KALRN: variants seen among roughly 807,000 people sequenced by gnomAD.
KALRN encodes the protein kalirin RhoGEF kinase, also known as kalirin.
A neutral mutation model predicts 353.7 loss-of-function variants in KALRN; 70 were observed. The ratio of observed to expected loss-of-function variants is 0.20; its 90% CI spans 0.16 to 0.24. KALRN has a LOEUF of 0.24. KALRN is among the 10% of genes least tolerant of loss of function. The pLI is 1.00. For synonymous variants in KALRN, 1,391 were observed against 1,434.8 expected (o/e 0.97, Z 0.69); for missense variants, 2,791 against 3,756.7 (o/e 0.74, Z 6.72).
In KALRN at chr3:124,079,707, T is replaced by C. The variant is rs188195692; in HGVS notation, c.73+45894T>C. On this transcript the variant is annotated intron_variant, in intron 1 of 59. Transcript: ENST00000682506. ...ACGTCTTTTTATATAAGTATTTTAG[T>C]TGAATGCCTCCAATGACAGAGAGCT... 2.6e-3 allele frequency among the ~76,000 whole-genome samples: 402 copies of C among 152,376 alleles called. 2 individuals are homozygous for C. The highest frequency in any genetic ancestry group is 7.3e-3 in the Admixed American group (112 of 15,308).
rs2087558221 is a variant in KALRN at position 124,679,571 on chromosome 3, G to A, written c.7377+54G>A. On this transcript the variant is annotated intron_variant, in intron 51 of 59. Coordinates refer to ENST00000682506, the MANE Select transcript of KALRN (RefSeq NM_001388419.1). ...CTACAATGATTGCCTTTTTTGATGT[G>A]TTCTGTAACAGTGACCTTGCTAAAA... 7 of 1,444,952 alleles carry A rather than the reference G, an allele frequency of 4.8e-6. No individual in the cohort carries two copies. The African/African-American group carries it at 7.0e-5, about 14-fold the overall frequency. 89.5% of individuals were successfully genotyped at this position (1,444,952 alleles called of 1,614,324 possible). A position where few individuals can be genotyped will look rare whatever the true frequency, so the allele number is the denominator to read the frequency against.
At chr3:124,285,847 T>C (rs558906382) in intron 5 of KALRN, among the ~76,000 whole-genome samples, 4 of 152,182 alleles carry the variant, frequency 2.6e-5, no homozygotes, top group Non-Finnish European at 5.9e-5. Flanking sequence ...AAAAATAAAA[T>C]TTTAAACTCA....
chr3:124,578,306 G>A (rs1320143852), intron 34 of KALRN, among the ~76,000 whole-genome samples: 1 of 152,202 alleles, frequency 6.6e-6, no homozygotes, highest in East Asian at 1.9e-4. Flanking sequence ...CCAGGGCTTG[G>A]TAATTTGGGA....
chr3:124,551,969 A>G (rs1047223137), intron 33 of KALRN, among the ~76,000 whole-genome samples: 5 of 152,238 alleles, frequency 3.3e-5, no homozygotes, highest in African/African-American at 1.2e-4. Flanking sequence ...ATCTTTAGCT[A>G]GTCATTTTAC....
rs191531699 is a variant in KALRN, at chr3:124,408,752, A to G, written c.2347-4718A>G. On this transcript the variant is annotated intron_variant, in intron 13 of 59. Coordinates refer to ENST00000682506, the MANE Select transcript of KALRN (RefSeq NM_001388419.1). The stretch of plus-strand genomic sequence containing the variant: ...GGGAGGGGCAGGTGAATTTTGATTC[A>G]GGCAGATACAGTTCAAAACATCTGG... Among the ~76,000 whole-genome samples, 436 of 151,786 alleles carry G rather than the reference A, an allele frequency of 2.9e-3. 4 individuals carry two copies. In the Middle Eastern group the frequency reaches 0.035, roughly 12 times the overall value.
chr3:124,500,162 C>A lies in KALRN; in HGVS notation c.4935+3749C>A, dbSNP rs535568470. 9.2e-5 allele frequency among the ~76,000 whole-genome samples: 14 copies of A among 152,264 alleles called. No individual in the cohort carries two copies. In the South Asian group the frequency reaches 2.9e-3, roughly 32 times the overall value. On this transcript the variant is annotated intron_variant, in intron 33 of 59. Transcript: ENST00000682506. The stretch of plus-strand genomic sequence containing the variant: ...GTGCTGGCTCAGAAAATCTCCATGC[C>A]CTTTTTTATGGACTGCCCTTATTCA...
chr3:124,200,526 A>G (rs1040425000), intron 1 of KALRN, among the ~76,000 whole-genome samples: 9 of 152,188 alleles, frequency 5.9e-5, no homozygotes, highest in Admixed American at 2.0e-4. Context: ...CTTAGGACCT[A>G]ATTATCTCCC....
chr3:124,286,130 T>TCTTTC (rs2149089966), intron 5 of KALRN, among the ~76,000 whole-genome samples: 2 of 149,526 alleles, frequency 1.3e-5, no homozygotes, highest in South Asian at 4.3e-4. Flanking sequence ...TTTCTTTCTT[T>TCTTTC]CTTTCTTTCC....
chr3:124,534,526 A>G (rs1482985179), intron 33 of KALRN, among the ~76,000 whole-genome samples: 2 of 152,180 alleles, frequency 1.3e-5, no homozygotes, highest in African/African-American at 4.8e-5. Flanking sequence ...TGTATCCCAG[A>G]ACTTCAAGTA....
intron 37 of KALRN, among the ~76,000 whole-genome samples, chr3:124,639,128 C>T (rs998824888): frequency 6.6e-6 from 1 of 152,216 alleles, no homozygotes; most frequent in Non-Finnish European, 1.5e-5. Flanking sequence ...CGAACTCACA[C>T]TTGGCTTTCT....
chr3:124,620,634 G>A (rs1308485374), intron 34 of KALRN, among the ~76,000 whole-genome samples: 1 of 152,194 alleles, frequency 6.6e-6, no homozygotes, highest in African/African-American at 2.4e-5. Context: ...CACCACTGGT[G>A]GAATATAGAG....
In KALRN at chr3:124,532,930, C is replaced by G. The variant is rs532143273; in HGVS notation, c.4936-29913C>G. Among the ~76,000 whole-genome samples the G allele has an allele frequency of 1.0e-4, 15 of 145,716 alleles. No homozygotes were observed. The East Asian group carries it at 2.8e-3, about 27-fold the overall frequency. Reference sequence around the variant, plus strand: ...TTAGTTCTTACCAATAATTCCATGACTTTTATGGGAAAAAAAAAAAACAAA... The same window carrying G: ...TTAGTTCTTACCAATAATTCCATGAGTTTTATGGGAAAAAAAAAAAACAAA... On this transcript the variant is annotated intron_variant, in intron 33 of 59. Transcript: ENST00000682506.
chr3:124,479,563 C>T (rs1196787197), intron 27 of KALRN, among the ~76,000 whole-genome samples: 1 of 151,970 alleles, frequency 6.6e-6, no homozygotes, highest in Non-Finnish European at 1.5e-5. Context: ...GAAGAGTTTC[C>T]CTAAGTTCTA....
At chr3:124,218,712 G>T (rs896990621) in intron 1 of KALRN, among the ~76,000 whole-genome samples, 1 of 152,198 alleles carries the variant, frequency 6.6e-6, no homozygotes, top group Non-Finnish European at 1.5e-5. Context: ...TTCTGGAGAG[G>T]GAGGGCGGGA....
chr3:124,474,281 A>G (rs2061225704), intron 25 of KALRN, among the ~76,000 whole-genome samples: 1 of 152,160 alleles, frequency 6.6e-6, no homozygotes, highest in African/African-American at 2.4e-5. Flanking sequence ...TAGGATAGCG[A>G]TATTTTATTT....
intron 3 of KALRN, among the ~76,000 whole-genome samples, chr3:124,252,518 T>C (rs977110694): frequency 7.9e-5 from 12 of 152,158 alleles, no homozygotes; most frequent in Non-Finnish European, 4.4e-5. Context: ...GAAACTTAGA[T>C]TTAGGATAAG....
At chr3:124,574,301 A>G (rs558354129) in intron 34 of KALRN, among the ~76,000 whole-genome samples, 1 of 152,352 alleles carries the variant, frequency 6.6e-6, no homozygotes, top group South Asian at 2.1e-4. Flanking sequence ...TGTCCATGGA[A>G]AGAGCTGGTC....
At chr3:124,687,801 T>C in intron 51 of KALRN, among the ~76,000 whole-genome samples, 1 of 152,048 alleles carries the variant, frequency 6.6e-6, no homozygotes, top group East Asian at 1.9e-4. Context: ...AAAAATATCC[T>C]TTTTAAAAAT....
chr3:124,210,769 G>A (rs896376148), intron 1 of KALRN, among the ~76,000 whole-genome samples: 2 of 152,140 alleles, frequency 1.3e-5, no homozygotes, highest in African/African-American at 4.8e-5. Flanking sequence ...CCAGTTGGAT[G>A]GTGAATGCTT....
Sources: gnomAD v4.1 joint callset for allele counts (sites outside exome capture counted in the v4.1 genomes callset) on GRCh38, gnomAD v4.1.1 for gene constraint, MANE v1.5 for transcripts, NCBI Gene and HGNC (gene_info 2026-07-23, HGNC 2026-07-21) for gene names.